The following PIGT variants were observed in gnomAD, a reference collection of about 807,000 sequenced individuals.
PIGT encodes GPI-anchor transamidase component PIGT.
PIGT carries 57 observed loss-of-function variants against 66.7 expected under a neutral mutation model. The observed-to-expected ratio is 0.86, with a 90% confidence interval of 0.69 to 1.07. The LOEUF is 1.07. Ranked by LOEUF, PIGT falls within the 50% of genes least tolerant of loss-of-function variation. PIGT has a pLI of 0.00. For synonymous variants in PIGT, 362 were observed against 320.5 expected (o/e 1.13, Z -1.38); for missense variants, 725 against 740.4 (o/e 0.98, Z 0.24).
In PIGT at chr20:45,426,228, C is replaced by T. The variant is rs750897467; in HGVS notation, c.*402C>T. On this transcript the variant is annotated 3_prime_UTR_variant, in exon 12 of 12. Transcript: ENST00000279036. ...GAGTTTACTGTTTGTGGAATAAAAACGGCTGTTTCCGTGGTTCTTTGCCTC... is the reference window on the plus strand; with the variant it reads ...GAGTTTACTGTTTGTGGAATAAAAATGGCTGTTTCCGTGGTTCTTTGCCTC... 1.5e-4 allele frequency: 28 copies of T among 184,288 alleles called. No homozygotes were observed. Among genetic ancestry groups the T allele is most frequent in the Non-Finnish European group, 2.6e-4 (23 of 86,836 alleles). 11.4% of individuals were successfully genotyped at this position (184,288 alleles called of 1,614,324 possible).
intron 11 of PIGT, chr20:45,425,253 G>A (rs2145475746): frequency 6.1e-6 from 1 of 163,924 alleles, no homozygotes; most frequent in Non-Finnish European, 1.3e-5. Flanking sequence ...TTAAGTTCTG[G>A]GATACATGTG....
At chr20:45,417,752 C>G (rs1298660262) in intron 2 of PIGT, 1 of 152,146 alleles carries the variant, frequency 6.6e-6, no homozygotes, top group African/African-American at 2.4e-5. Context: ...CCAAATGAAG[C>G]ATGTTTATGG....
Position 45,425,768 on chromosome 20 carries a change from G to T in PIGT, c.1679G>T (p.Gly560Val). The change falls in exon 12 of 12, where the codon GGC becomes GTC. Residue 560 changes from glycine (G) to valine (V), a missense_variant. This residue lies in a region of PIGT where 162 missense variants were observed against 171.1 expected (regional missense o/e 0.95). Transcript: ENST00000279036. ...TFHIEEPRTG[G>V]LAKRLANLIR... ...CACATCGAGGAGCCCCGCACAGGTG[G>T]CCTGGCCAAGCGGCTGGCCAACCTT... is the stretch of plus-strand genomic sequence containing the variant. 5.0e-6 allele frequency: 8 copies of T among 1,614,016 alleles called. No homozygotes were observed. Among genetic ancestry groups the T allele is most frequent in the Non-Finnish European group, 6.8e-6 (8 of 1,179,922 alleles).
chr20:45,420,937 G>A, intron 8 of PIGT: 1 of 575,884 alleles, frequency 1.7e-6, no homozygotes, highest in Non-Finnish European at 3.1e-6. Flanking sequence ...TGTGAAAAAT[G>A]GAGTTAGTTC....
rs757318166 is a variant in PIGT, at chr20:45,420,636, A to G, written c.976A>G (p.Ile326Val). The G allele has an allele frequency of 1.1e-5, 18 of 1,613,760 alleles. No homozygotes were observed. Among genetic ancestry groups the G allele is most frequent in the Non-Finnish European group, 1.5e-5 (18 of 1,179,994 alleles). The stretch of plus-strand genomic sequence containing the variant: ...CTATGACTTGCTTGACACCGCCATG[A>G]TCAACAACTCTCGAAACCTCAACAT... ...AIYDLLDTAMINNSRNLNIQL... is the reference protein window; with the variant it reads ...AIYDLLDTAMVNNSRNLNIQL... Residue 326 changes from isoleucine (I) to valine (V), a missense_variant, in exon 8 of 12, where the codon ATC becomes GTC. Physicochemically the swap from Ile to Val is conservative, Grantham distance 29 (BLOSUM62 3). Coordinates refer to ENST00000279036, the MANE Select transcript of PIGT (RefSeq NM_015937.6).
intron 11 of PIGT, chr20:45,425,145 TTCTTTC>T (rs1990642390): frequency 6.7e-5 from 1 of 14,898 alleles, no homozygotes; most frequent in Non-Finnish European, 1.5e-4. Flanking sequence ...TTCTTTCTCT[TTCTTTC>T]TTTCTTTCTT....
rs770316017 is a variant in PIGT at position 45,416,506 on chromosome 20, C to G, written c.188-11C>G. The stretch of plus-strand genomic sequence containing the variant: ...GTGGGGATCGTCACTCACCTGCTCC[C>G]GTTTCCCCAGTGTCCCATTACAGGC... On this transcript the variant is annotated splice_polypyrimidine_tract_variant and intron_variant, in intron 1 of 11. Transcript: ENST00000279036. The G allele has an allele frequency of 3.1e-6, 5 of 1,612,662 alleles. No individual in the cohort carries two copies. In the South Asian group the frequency reaches 4.4e-5, roughly 14 times the overall value.
intron 9 of PIGT, chr20:45,423,928 C>T: frequency 2.5e-6 from 1 of 405,154 alleles, no homozygotes; most frequent in Non-Finnish European, 4.6e-6. Flanking sequence ...CTTCTTGCGT[C>T]ACATCAGGCA....
In PIGT at chr20:45,424,583, A is replaced by G. The variant is rs1270423252; in HGVS notation, c.1484+4A>G. Reference sequence around the variant, plus strand: ...AGAGTCCCCTCTTCAACAGCCTGTAAGTGTGACCACACTCACTGATAACAC... The same window carrying G: ...AGAGTCCCCTCTTCAACAGCCTGTAGGTGTGACCACACTCACTGATAACAC... On this transcript the variant is annotated splice_donor_region_variant and intron_variant, in intron 11 of 11. Coordinates refer to ENST00000279036, the MANE Select transcript of PIGT (RefSeq NM_015937.6). 1 of 1,612,092 alleles carries G rather than the reference A, an allele frequency of 6.2e-7. No individual in the cohort carries two copies. The highest frequency in any genetic ancestry group is 8.5e-7 in the Non-Finnish European group (1 of 1,178,254).
Position 45,424,121 on chromosome 20 carries a change from C to G in PIGT, c.1235-95C>G, listed in dbSNP as rs1439511426. On this transcript the variant is annotated intron_variant, in intron 9 of 11. Coordinates refer to ENST00000279036, the MANE Select transcript of PIGT (RefSeq NM_015937.6). ...TATGCTCCCAAGCCCATCTTCTAGGCACCCAGATTGAGGCTCCATGGCAAG... is the reference window on the plus strand; with the variant it reads ...TATGCTCCCAAGCCCATCTTCTAGGGACCCAGATTGAGGCTCCATGGCAAG... 3.5e-6 allele frequency: 4 copies of G among 1,150,688 alleles called. No individual in the cohort carries two copies. The East Asian group carries it at 9.5e-5, about 27-fold the overall frequency. The allele number at this position is 1,150,688 out of a possible 1,614,324, so 71.3% of individuals were successfully genotyped here. A position where few individuals can be genotyped will look rare whatever the true frequency, so the allele number is the denominator to read the frequency against.
chr20:45,425,877 G>T lies in PIGT; in HGVS notation c.*51G>T. Reference sequence around the variant, plus strand: ...CTGCCGTTTCTCTCTGGGGAGGGGAGCCCAAGGGCTGTTTCTGCCACTTGC... The same window carrying T: ...CTGCCGTTTCTCTCTGGGGAGGGGATCCCAAGGGCTGTTTCTGCCACTTGC... On this transcript the variant is annotated 3_prime_UTR_variant, in exon 12 of 12. Transcript: ENST00000279036. 1 of 1,584,444 alleles carries T rather than the reference G, an allele frequency of 6.3e-7. No individual in the cohort carries two copies.
In PIGT at chr20:45,419,930, G is replaced by C. The variant is rs142896257; in HGVS notation, c.682-206G>C. The C allele has an allele frequency of 7.3e-4, 443 of 606,210 alleles. 1 individual carries two copies. The highest frequency in any genetic ancestry group is 7.3e-3 in the African/African-American group (394 of 54,098). The allele number at this position is 606,210 out of a possible 1,614,324, so 37.6% of individuals were successfully genotyped here. A position where few individuals can be genotyped will look rare whatever the true frequency, so the allele number is the denominator to read the frequency against. On this transcript the variant is annotated intron_variant, in intron 5 of 11. Coordinates refer to ENST00000279036, the MANE Select transcript of PIGT (RefSeq NM_015937.6). ...CATTGATAGTAGAATCCACTCCTAG[G>C]GTTGTTGTGATAGTTTATCAAACTG...
At chr20:45,421,290 C>A in intron 8 of PIGT, 93 bp from the exon 9 acceptor site, 1 of 1,109,150 alleles carries the variant, frequency 9.0e-7, no homozygotes. Context: ...CATCTACTCA[C>A]TGGCTTGGGA....
intron 5 of PIGT, chr20:45,419,911 T>C (rs1366318690): frequency 1.7e-6 from 1 of 600,368 alleles, no homozygotes; most frequent in Non-Finnish European, 3.0e-6. Context: ...ATGACATTGA[T>C]AGTAGAATCC....
intron 11 of PIGT, 167 bp from the exon 12 acceptor site, chr20:45,425,407 C>T (rs1006932526): frequency 3.5e-6 from 2 of 575,662 alleles, no homozygotes; most frequent in South Asian, 4.0e-5. Context: ...GCCCGCCGCT[C>T]CCCTTTATCA....
intron 5 of PIGT, 45 bp downstream of exon 5, chr20:45,419,635 G>T: frequency 7.5e-7 from 1 of 1,329,714 alleles, no homozygotes. Context: ...GGGGCTCAGA[G>T]AAGGTACATG....
chr20:45,418,764 T>C (rs1990149373), intron 2 of PIGT, 88 bp from the exon 3 acceptor site: 3 of 1,518,354 alleles, frequency 2.0e-6, no homozygotes, highest in African/African-American at 2.7e-5. Context: ...AGCCTCCTCC[T>C]ATCATAGGTT....
Position 45,420,374 on chromosome 20 carries a change from C to T in PIGT, c.812C>T (p.Pro271Leu), listed in dbSNP as rs774743095. 4 of 1,613,790 alleles carry T rather than the reference C, an allele frequency of 2.5e-6. No homozygotes were observed. The highest frequency in any genetic ancestry group is 2.2e-5 in the South Asian group (2 of 91,020). Residue 271 changes from proline (P) to leucine (L), a missense_variant, in exon 7 of 12, where the codon CCC (proline) becomes CTC (leucine). Physicochemically the swap from Pro to Leu is moderately conservative, Grantham distance 98. Transcript: ENST00000279036. ...ATGTTCTCCCGAACCCTCACGGAGC[C>T]CTGCCCCCTGGCTTCAGAGAGCCGA... ...FRMFSRTLTE[P>L]CPLASESRVY...
intron 3 of PIGT, 118 bp from the exon 4 acceptor site, chr20:45,419,177 C>A: frequency 9.3e-7 from 1 of 1,079,940 alleles, no homozygotes. Context: ...TTGGGACTGT[C>A]CAGACTGTGG....
Sources: allele counts gnomAD v4.1 joint callset, GRCh38; gene constraint gnomAD v4.1.1; regional missense constraint gnomAD v4.1.1; transcripts MANE v1.5; gene names NCBI Gene and HGNC (gene_info 2026-07-23, HGNC 2026-07-21).